Variants in KCNC1 observed in about 807,000 individuals in gnomAD.
The protein encoded by KCNC1 is voltage-gated potassium channel KCNC1.
A neutral mutation model predicts 43.4 loss-of-function variants in KCNC1; 8 were observed. The ratio of observed to expected loss-of-function variants is 0.18; its 90% CI spans 0.11 to 0.33. The LOEUF (loss-of-function observed/expected upper bound fraction) is 0.33. Ranked by LOEUF, KCNC1 falls within the 10% of genes least tolerant of loss-of-function variation. KCNC1 has a pLI of 1.00. For missense variants in KCNC1, 420 were observed against 836.0 expected (o/e 0.50, Z 6.14); for synonymous variants, 361 against 360.5 (o/e 1.00, Z -0.01).
At chr11:17,759,069 C>G (rs1248847120) in intron 1 of KCNC1, among the ~76,000 whole-genome samples, 3 of 152,238 alleles carry the variant, frequency 2.0e-5, no homozygotes, top group Non-Finnish European at 4.4e-5. Flanking sequence ...TTTGGTGTAG[C>G]CACTTTCATC....
chr11:17,772,363 G>A lies in KCNC1; in HGVS notation c.1269G>A (p.Ala423=), dbSNP rs150682385. The A allele has an allele frequency of 4.0e-5, 65 of 1,614,138 alleles. No individual in the cohort carries two copies. Among genetic ancestry groups the A allele is most frequent in the African/African-American group, 9.3e-5 (7 of 75,048 alleles). ...GMLVGALCAL[A]GVLTIAMPVP... ...TGGTGGGGGCTCTGTGTGCGCTGGCGGGCGTGCTCACCATCGCCATGCCCG... is the reference window on the plus strand; with the variant it reads ...TGGTGGGGGCTCTGTGTGCGCTGGCAGGCGTGCTCACCATCGCCATGCCCG... The change falls in exon 2 of 4, where the codon GCG becomes GCA. Residue 423 remains alanine (A), a synonymous_variant. Coordinates refer to ENST00000265969, the MANE Select transcript of KCNC1 (RefSeq NM_001112741.2).
At chr11:17,755,534 C>A (rs1849014244) in intron 1 of KCNC1, among the ~76,000 whole-genome samples, 1 of 151,958 alleles carries the variant, frequency 6.6e-6, no homozygotes, top group African/African-American at 2.4e-5. Context: ...GATGCTGGGT[C>A]TATTTTTCAA....
Position 17,772,737 on chromosome 11 carries a change from T to C in KCNC1, c.1504+139T>C, listed in dbSNP as rs542821730. 5.3e-6 allele frequency: 8 copies of C among 1,501,168 alleles called. No homozygotes were observed. The East Asian group carries it at 1.1e-4, about 21-fold the overall frequency. The allele number at this position is 1,501,168 out of a possible 1,614,324, so 93.0% of individuals were successfully genotyped here. ...GCACTCAGTCTGGAGGTGTGGAGCC[T>C]GGGGGCCCAGGGAGATGCTGGGCGG... On this transcript the variant is annotated intron_variant, in intron 2 of 3. Coordinates refer to ENST00000265969, the MANE Select transcript of KCNC1 (RefSeq NM_001112741.2).
At chr11:17,755,401 C>T (rs1328291935) in intron 1 of KCNC1, among the ~76,000 whole-genome samples, 2 of 152,070 alleles carry the variant, frequency 1.3e-5, no homozygotes, top group African/African-American at 4.8e-5. Flanking sequence ...TGAAAACAGT[C>T]CTAGCGCACC....
Position 17,735,954 on chromosome 11 carries a change from C to A in KCNC1, c.-49C>A. The A allele has an allele frequency of 7.2e-7, 1 of 1,380,374 alleles. No homozygotes were observed. Among genetic ancestry groups the A allele is most frequent in the Non-Finnish European group, 9.3e-7 (1 of 1,075,314 alleles). The allele number at this position is 1,380,374 out of a possible 1,614,324, so 85.5% of individuals were successfully genotyped here. A position where few individuals can be genotyped will look rare whatever the true frequency, so the allele number is the denominator to read the frequency against. ...CCCGGCGCCAACTCCCCCTGGCGGC[C>A]GCTCCCATGGGTGTCGCTGGGCCGC... On this transcript the variant is annotated 5_prime_UTR_variant, in exon 1 of 4. Transcript: ENST00000265969. This position sits in a 1 kb window ranked among gnomAD's most constrained non-coding sequence, Gnocchi z 6.7.
chr11:17,742,031 T>C lies in KCNC1; in HGVS notation c.570+5459T>C, dbSNP rs1848848671. 6.6e-6 allele frequency among the ~76,000 whole-genome samples: 1 copy of C among 152,152 alleles called. No homozygotes were observed. Among genetic ancestry groups the C allele is most frequent in the Non-Finnish European group, 1.5e-5 (1 of 67,996 alleles). On this transcript the variant is annotated intron_variant, in intron 1 of 3. Coordinates refer to ENST00000265969, the MANE Select transcript of KCNC1 (RefSeq NM_001112741.2). This position sits in a 1 kb window ranked among gnomAD's most constrained non-coding sequence, Gnocchi z 4.2. The stretch of plus-strand genomic sequence containing the variant: ...TTGTTTGATTTGGGCTCATCTCTCC[T>C]CTAGACTGTAAGCCTCTGGCATGCT...
chr11:17,742,190 C>CA lies in KCNC1; in HGVS notation c.570+5619dup, dbSNP rs1848850798. ...CTCGTATCTCCTGACTCCTGGCTCA[C>CA]AGGTGCTTTGTGTCACATCGCCTCA... On this transcript the variant is annotated intron_variant, in intron 1 of 3. Coordinates refer to ENST00000265969, the MANE Select transcript of KCNC1 (RefSeq NM_001112741.2). This position sits in a 1 kb window ranked among gnomAD's most constrained non-coding sequence, Gnocchi z 4.2. Among the ~76,000 whole-genome samples, 1 of 152,230 alleles carries CA rather than the reference C, an allele frequency of 6.6e-6. No individual in the cohort carries two copies. Among genetic ancestry groups the CA allele is most frequent in the Non-Finnish European group, 1.5e-5 (1 of 68,048 alleles).
intron 1 of KCNC1, among the ~76,000 whole-genome samples, chr11:17,743,596 A>G (rs1174309782): frequency 6.6e-6 from 1 of 152,232 alleles, no homozygotes; most frequent in Non-Finnish European, 1.5e-5. Context: ...GTGAAATGCC[A>G]GGAGGATTGG....
chr11:17,762,141 A>C (rs1418202134), intron 1 of KCNC1, among the ~76,000 whole-genome samples: 1 of 152,176 alleles, frequency 6.6e-6, no homozygotes, highest in South Asian at 2.1e-4. Flanking sequence ...AGGGCTGGCC[A>C]TCACTGGATA....
At chr11:17,752,870 C>T (rs545282373) in intron 1 of KCNC1, among the ~76,000 whole-genome samples, 8 of 152,150 alleles carry the variant, frequency 5.3e-5, no homozygotes, top group African/African-American at 1.9e-4. Flanking sequence ...TAGCTGCCTT[C>T]ATCATTACTG....
At chr11:17,744,392 G>T (rs1310963356) in intron 1 of KCNC1, among the ~76,000 whole-genome samples, 1 of 152,144 alleles carries the variant, frequency 6.6e-6, no homozygotes, top group Non-Finnish European at 1.5e-5. Context: ...AGCAGGAAGG[G>T]GTCTAAAAAG....
intron 1 of KCNC1, among the ~76,000 whole-genome samples, chr11:17,755,806 G>A (rs1849016561): frequency 6.6e-6 from 1 of 152,186 alleles, no homozygotes; most frequent in African/African-American, 2.4e-5. Context: ...CTGGGCTGGA[G>A]ATAAGCCTTT....
intron 1 of KCNC1, among the ~76,000 whole-genome samples, chr11:17,738,168 A>G (rs923462599): frequency 2.0e-5 from 3 of 152,050 alleles, no homozygotes; most frequent in African/African-American, 7.2e-5. Flanking sequence ...CTAGAACTCA[A>G]TTCTCCTGGG....
chr11:17,779,377 C>T lies in KCNC1; in HGVS notation c.1505-79C>T. On this transcript the variant is annotated intron_variant, in intron 2 of 3. Coordinates refer to ENST00000265969, the MANE Select transcript of KCNC1 (RefSeq NM_001112741.2). The surrounding 1 kb of genome is among the most constrained non-coding windows in gnomAD (Gnocchi z 7.2). ...CGCTCAAGCTGCCCTCTGCCAATAC[C>T]CCGCTTCTGGCCTGTCCCCCCCTGC... 8.1e-7 allele frequency: 1 copy of T among 1,237,070 alleles called. No homozygotes were observed. Among genetic ancestry groups the T allele is most frequent in the Non-Finnish European group, 1.1e-6 (1 of 923,488 alleles). The allele number at this position is 1,237,070 out of a possible 1,614,324, so 76.6% of individuals were successfully genotyped here. A position where few individuals can be genotyped will look rare whatever the true frequency, so the allele number is the denominator to read the frequency against.
intron 1 of KCNC1, among the ~76,000 whole-genome samples, chr11:17,737,551 T>G (rs1848782774): frequency 6.6e-6 from 1 of 152,080 alleles, no homozygotes; most frequent in African/African-American, 2.4e-5. Context: ...GGAGGGGGCC[T>G]GGTGAACTCT....
intron 1 of KCNC1, among the ~76,000 whole-genome samples, chr11:17,740,102 G>A (rs1489647539): frequency 6.6e-6 from 1 of 152,214 alleles, no homozygotes; most frequent in Non-Finnish European, 1.5e-5. Flanking sequence ...CCTTGGTGCT[G>A]GCCCTGGAGA....
chr11:17,766,239 G>A (rs1012695890), intron 1 of KCNC1, among the ~76,000 whole-genome samples: 2 of 152,254 alleles, frequency 1.3e-5, no homozygotes, highest in African/African-American at 4.8e-5. Flanking sequence ...GTGGTGTGTG[G>A]CGATGTGTCT....
intron 1 of KCNC1, among the ~76,000 whole-genome samples, chr11:17,756,853 C>T (rs919004281): frequency 6.6e-6 from 1 of 152,194 alleles, no homozygotes; most frequent in African/African-American, 2.4e-5. Context: ...AGCTTTCTCC[C>T]AGGACTACCT....
chr11:17,782,098 C>T lies in KCNC1; in HGVS notation c.*364C>T, dbSNP rs1251951449. The T allele has an allele frequency of 9.4e-6, 2 of 211,900 alleles. No homozygotes were observed. Among genetic ancestry groups the T allele is most frequent in the East Asian group, 1.1e-4 (1 of 9,444 alleles). 13.1% of individuals were successfully genotyped at this position (211,900 alleles called of 1,614,324 possible). A position where few individuals can be genotyped will look rare whatever the true frequency, so the allele number is the denominator to read the frequency against. ...ATAATGAAAAGAAAAACATCAAAGC[C>T]CTCTATTTTCTTTCAAAGCTCTTGA... On this transcript the variant is annotated 3_prime_UTR_variant, in exon 4 of 4. Transcript: ENST00000265969.
Sources: allele counts gnomAD v4.1 joint callset (sites outside exome capture counted in the v4.1 genomes callset), GRCh38; gene constraint gnomAD v4.1.1; non-coding constraint Gnocchi (gnomAD v3.1); transcripts MANE v1.5; gene names NCBI Gene and HGNC (gene_info 2026-07-23, HGNC 2026-07-21).